SH3RF3: variants seen among roughly 807,000 people sequenced by gnomAD.
SH3RF3 encodes SH3 domain containing ring finger 3, also known as E3 ubiquitin-protein ligase SH3RF3.
Under a neutral mutation model 66.3 loss-of-function variants are expected in SH3RF3, and 29 were observed. The observed-to-expected ratio is 0.44, with a 90% confidence interval of 0.33 to 0.60. SH3RF3 has a LOEUF of 0.60. Ranked by LOEUF, SH3RF3 falls within the 20% of genes least tolerant of loss-of-function variation. The pLI, the probability that SH3RF3 is intolerant of heterozygous loss-of-function variation, is 0.04. For missense variants in SH3RF3, 1,194 were observed against 1,190.9 expected (o/e 1.00, Z -0.04); for synonymous variants, 583 against 532.0 (o/e 1.10, Z -1.32).
chr2:109,499,841 C>T (rs1327258310), intron 9 of SH3RF3, among the ~76,000 whole-genome samples: 1 of 152,136 alleles, frequency 6.6e-6, no homozygotes, highest in Admixed American at 6.5e-5. Flanking sequence ...AGGTTTTAAT[C>T]GGCAACATAA....
intron 1 of SH3RF3, among the ~76,000 whole-genome samples, chr2:109,264,432 A>C (rs1220405104): frequency 2.0e-5 from 3 of 151,716 alleles, no homozygotes; most frequent in Non-Finnish European, 4.4e-5. Flanking sequence ...CCCACGATCC[A>C]CCCCAAGTCT....
At chr2:109,377,856 T>G (rs902063701) in intron 3 of SH3RF3, among the ~76,000 whole-genome samples, 2 of 152,198 alleles carry the variant, frequency 1.3e-5, no homozygotes, top group Admixed American at 6.5e-5. Context: ...GGCTATTATT[T>G]TGAACCTCTG....
chr2:109,317,596 A>AG (rs1380282296), intron 1 of SH3RF3, among the ~76,000 whole-genome samples: 1 of 151,994 alleles, frequency 6.6e-6, no homozygotes, highest in East Asian at 1.9e-4. Flanking sequence ...AGAACAGTCA[A>AG]AGTCCACCTT....
In SH3RF3 at chr2:109,241,199, A is replaced by C. The variant is rs189828459; in HGVS notation, c.574-106475A>C. Among the ~76,000 whole-genome samples, 29 of 152,294 alleles carry C rather than the reference A, an allele frequency of 1.9e-4. 1 individual carries two copies. The East Asian group carries it at 5.4e-3, about 28-fold the overall frequency. On this transcript the variant is annotated intron_variant, in intron 1 of 9. Coordinates refer to ENST00000309415, the MANE Select transcript of SH3RF3 (RefSeq NM_001099289.3). ...TTGTACTTACATACCTCAAAACAAA[A>C]ACTCTCTGAAAAAGCAGTTTGTTTG...
chr2:109,347,488 C>T (rs57699027), intron 1 of SH3RF3, among the ~76,000 whole-genome samples, 186 bp from the exon 2 acceptor site: 3 of 151,840 alleles, frequency 2.0e-5, no homozygotes, highest in Middle Eastern at 3.4e-3. Flanking sequence ...ATCTCAGTGG[C>T]GCCTCAGAAT....
At chr2:109,312,038 G>A (rs1011742508) in intron 1 of SH3RF3, among the ~76,000 whole-genome samples, 10 of 152,242 alleles carry the variant, frequency 6.6e-5, no homozygotes, top group East Asian at 1.9e-4. Context: ...CGTTGTGGCC[G>A]GTGTAGCAGT....
intron 1 of SH3RF3, chr2:109,251,571 T>C (rs1680092931): frequency 4.8e-6 from 4 of 836,994 alleles, no homozygotes; most frequent in Non-Finnish European, 8.4e-6. Flanking sequence ...AGATGGCGAC[T>C]GGTGGGCAAC....
At chr2:109,196,930 C>T (rs965622745) in intron 1 of SH3RF3, among the ~76,000 whole-genome samples, 4 of 152,152 alleles carry the variant, frequency 2.6e-5, no homozygotes, top group Non-Finnish European at 5.9e-5. Flanking sequence ...CTGAGTAGTG[C>T]GAAGGCTTCC....
chr2:109,490,732 C>A lies in SH3RF3; in HGVS notation c.2276C>A (p.Ala759Glu), dbSNP rs370928499. Reference protein sequence around the residue: ...QVAVDALLQGAVGPEVSSLSI... With the variant: ...QVAVDALLQGEVGPEVSSLSI... ...GCCGTGGACGCCCTGCTCCAAGGTG[C>A]AGTGGGCCCCGAAGTGTCCTCACTG... Residue 759 changes from alanine to glutamate, a missense_variant, in exon 9 of 10, where the codon GCA becomes GAA. Transcript: ENST00000309415. The A allele has an allele frequency of 6.5e-7, 1 of 1,536,026 alleles. No individual in the cohort carries two copies. The highest frequency in any genetic ancestry group is 1.4e-5 in the African/African-American group (1 of 73,008).
At chr2:109,339,199 A>G (rs1682498342) in intron 1 of SH3RF3, among the ~76,000 whole-genome samples, 1 of 150,626 alleles carries the variant, frequency 6.6e-6, no homozygotes. Context: ...CACACTCGGT[A>G]TAACTTTTAT....
chr2:109,129,538 C>G lies in SH3RF3; in HGVS notation c.-3C>G. ...GCGCGAGACCGCTGCGGGCGCCTCCCCCATGCTGCTCGGAGCGTCCTGGCT... is the reference window on the plus strand; with the variant it reads ...GCGCGAGACCGCTGCGGGCGCCTCCGCCATGCTGCTCGGAGCGTCCTGGCT... On this transcript the variant is annotated 5_prime_UTR_variant, in exon 1 of 10. Coordinates refer to ENST00000309415, the MANE Select transcript of SH3RF3 (RefSeq NM_001099289.3). 2.0e-6 allele frequency: 3 copies of G among 1,497,314 alleles called. No homozygotes were observed. Among genetic ancestry groups the G allele is most frequent in the Non-Finnish European group, 2.7e-6 (3 of 1,130,332 alleles). The allele number at this position is 1,497,314 out of a possible 1,614,324, so 92.8% of individuals were successfully genotyped here.
chr2:109,339,435 G>T (rs193174204), intron 1 of SH3RF3, among the ~76,000 whole-genome samples: 1 of 152,116 alleles, frequency 6.6e-6, no homozygotes, highest in African/African-American at 2.4e-5. Context: ...GGTCTTCTGC[G>T]GTGGCTGGAG....
At position 109,453,372 on chromosome 2, in the gene SH3RF3, G is replaced by A. The variant is rs7424339; in HGVS notation, c.2148+3883G>A. Among the ~76,000 whole-genome samples, 493 of 152,320 alleles carry A rather than the reference G, an allele frequency of 3.2e-3. 3 individuals are homozygous for A. The highest frequency in any genetic ancestry group is 5.3e-3 in the Non-Finnish European group (363 of 68,024). ...TCTTCAGGATTTAAGTTATCCTTTTGCACTTAAAAATGAATTTTGTGCTTG... is the reference window on the plus strand; with the variant it reads ...TCTTCAGGATTTAAGTTATCCTTTTACACTTAAAAATGAATTTTGTGCTTG... On this transcript the variant is annotated intron_variant, in intron 8 of 9. Transcript: ENST00000309415.
At position 109,200,950 on chromosome 2, in the gene SH3RF3, C is replaced by T. The variant is rs184681717; in HGVS notation, c.573+70837C>T. Reference sequence around the variant, plus strand: ...GGATAGTGCAGACCTCGCAGTGGCCCGGGGCCCACCCACACTGGCACCCGG... The same window carrying T: ...GGATAGTGCAGACCTCGCAGTGGCCTGGGGCCCACCCACACTGGCACCCGG... On this transcript the variant is annotated intron_variant, in intron 1 of 9. Transcript: ENST00000309415. Among the ~76,000 whole-genome samples the T allele has an allele frequency of 2.7e-3, 406 of 152,248 alleles. 4 individuals are homozygous for T. The highest frequency in any genetic ancestry group is 0.02 in the Middle Eastern group (6 of 294).
intron 7 of SH3RF3, among the ~76,000 whole-genome samples, chr2:109,438,491 C>G (rs1339007111): frequency 6.6e-6 from 1 of 152,138 alleles, no homozygotes; most frequent in African/African-American, 2.4e-5. Flanking sequence ...TGAGGACTAC[C>G]CTGGTGTCAG....
At chr2:109,305,967 G>T (rs1234377413) in intron 1 of SH3RF3, among the ~76,000 whole-genome samples, 2 of 152,174 alleles carry the variant, frequency 1.3e-5, no homozygotes, top group Non-Finnish European at 2.9e-5. Context: ...CATTCAGCAC[G>T]GTATTTAGTG....
At chr2:109,362,690 A>G (rs1399126047) in intron 2 of SH3RF3, among the ~76,000 whole-genome samples, 1 of 152,138 alleles carries the variant, frequency 6.6e-6, no homozygotes, top group Non-Finnish European at 1.5e-5. Flanking sequence ...CTCCAGCTGT[A>G]ATACTGGATT....
At chr2:109,350,061 G>A (rs1301411252) in intron 2 of SH3RF3, among the ~76,000 whole-genome samples, 2 of 152,252 alleles carry the variant, frequency 1.3e-5, no homozygotes, top group Non-Finnish European at 2.9e-5. Context: ...ATCACCAGGG[G>A]CAGGCCGGGC....
At chr2:109,361,887 AT>A (rs1006807032) in intron 2 of SH3RF3, among the ~76,000 whole-genome samples, 1 of 152,182 alleles carries the variant, frequency 6.6e-6, no homozygotes, top group Non-Finnish European at 1.5e-5. Flanking sequence ...ATATTCTTTT[AT>A]TTTTTTAACA....
Sources: allele counts gnomAD v4.1 joint callset (sites outside exome capture counted in the v4.1 genomes callset), GRCh38; gene constraint gnomAD v4.1.1; transcripts MANE v1.5; gene names NCBI Gene and HGNC (gene_info 2026-07-23, HGNC 2026-07-21).